The following MTMR3 variants were observed in gnomAD, a reference collection of about 807,000 sequenced individuals.
MTMR3 encodes myotubularin related protein 3.
A neutral mutation model predicts 132.4 loss-of-function variants in MTMR3; 32 were observed. The observed-to-expected ratio is 0.24, with a 90% CI of 0.18 to 0.32. The LOEUF (loss-of-function observed/expected upper bound fraction) is 0.32, where lower values mean the gene tolerates loss of function less well. MTMR3 is among the 10% of genes least tolerant of loss of function. The pLI is 1.00. For missense variants in MTMR3, 1,216 were observed against 1,489.6 expected, an observed-to-expected ratio of 0.82 and a Z score of 3.02; for synonymous variants, 556 against 550.3, an observed-to-expected ratio of 1.01 and a Z score of -0.14.
chr22:29,943,336 G>C (rs1489578004), intron 1 of MTMR3, among the ~76,000 whole-genome samples: 1 of 151,966 alleles, frequency 6.6e-6, no homozygotes, highest in Non-Finnish European at 1.5e-5. Context: ...GGGACTACAG[G>C]CACCTGCCAC....
At chr22:29,994,257 T>C (rs948276202) in intron 7 of MTMR3, 1 of 437,596 alleles carries the variant, frequency 2.3e-6, no homozygotes, top group African/African-American at 2.1e-5. Flanking sequence ...ACATTGATGT[T>C]AACCTGCCAC....
At chr22:29,912,077 A>T (rs960321421) in intron 1 of MTMR3, among the ~76,000 whole-genome samples, 1 of 152,030 alleles carries the variant, frequency 6.6e-6, no homozygotes, top group African/African-American at 2.4e-5. Flanking sequence ...TGAGGTATGT[A>T]TAGTAAGCAT....
At chr22:30,009,164 C>A (rs1217536724) in intron 12 of MTMR3, 35 bp downstream of exon 12, 1 of 1,342,844 alleles carries the variant, frequency 7.4e-7, no homozygotes, top group South Asian at 1.2e-5. Context: ...TTTTGCATTG[C>A]TCTTAAATAA....
intron 1 of MTMR3, among the ~76,000 whole-genome samples, chr22:29,928,171 C>CTTTTT (rs66896756): frequency 9.3e-6 from 1 of 107,702 alleles, no homozygotes; most frequent in Non-Finnish European, 1.8e-5. Flanking sequence ...TTTTTTTTTT[C>CTTTTT]TTTTTTTTTT....
intron 1 of MTMR3, among the ~76,000 whole-genome samples, chr22:29,951,790 TG>T (rs2066085597): frequency 6.6e-6 from 1 of 151,994 alleles, no homozygotes; most frequent in Non-Finnish European, 1.5e-5. Context: ...TACACATGAT[TG>T]ATCTTTTGGT....
intron 1 of MTMR3, among the ~76,000 whole-genome samples, chr22:29,933,367 T>TA (rs2065683975): frequency 6.6e-6 from 1 of 152,164 alleles, no homozygotes; most frequent in African/African-American, 2.4e-5. Flanking sequence ...CATGGGTTTT[T>TA]ATAGATTAAT....
intron 1 of MTMR3, among the ~76,000 whole-genome samples, chr22:29,903,828 A>G (rs982732306): frequency 2.6e-5 from 4 of 152,208 alleles, no homozygotes; most frequent in African/African-American, 9.7e-5. Context: ...GATGTTGAAT[A>G]TTTAGAAAAC....
chr22:29,986,517 T>TA, intron 5 of MTMR3: 1 of 928,436 alleles, frequency 1.1e-6, no homozygotes, highest in Non-Finnish European at 1.3e-6. Flanking sequence ...TTTTTTTCCT[T>TA]CTTAGATGCA....
chr22:29,948,674 T>C (rs1371789398), intron 1 of MTMR3, among the ~76,000 whole-genome samples: 1 of 152,110 alleles, frequency 6.6e-6, no homozygotes, highest in Non-Finnish European at 1.5e-5. Flanking sequence ...GGATGGAGTT[T>C]AGAAATTTGT....
At chr22:29,887,306 T>C (rs1004650917) in intron 1 of MTMR3, among the ~76,000 whole-genome samples, 4 of 152,184 alleles carry the variant, frequency 2.6e-5, no homozygotes, top group African/African-American at 9.7e-5. Flanking sequence ...CCCTCATTAG[T>C]GAAAGGAAGA....
chr22:29,895,730 G>A (rs1393346237), intron 1 of MTMR3, among the ~76,000 whole-genome samples: 1 of 152,026 alleles, frequency 6.6e-6, no homozygotes, highest in East Asian at 1.9e-4. Context: ...TGGTTTTACT[G>A]GGATTCAGAA....
chr22:29,950,918 C>T (rs940115717), intron 1 of MTMR3, among the ~76,000 whole-genome samples: 1 of 139,456 alleles, frequency 7.2e-6, no homozygotes, highest in Non-Finnish European at 1.7e-5. Context: ...GTTGGGAGGC[C>T]GAGGCAGGTG....
chr22:30,021,071 G>C, intron 17 of MTMR3, 187 bp downstream of exon 17: 1 of 638,274 alleles, frequency 1.6e-6, no homozygotes, highest in Non-Finnish European at 2.7e-6. Context: ...CCTGTTTTCT[G>C]CTTCGCTTAC....
chr22:29,886,359 C>G (rs1276529948), intron 1 of MTMR3, among the ~76,000 whole-genome samples: 1 of 152,104 alleles, frequency 6.6e-6, no homozygotes, highest in African/African-American at 2.4e-5. Flanking sequence ...GTTTTTGAGT[C>G]TTAATGAATC....
intron 1 of MTMR3, among the ~76,000 whole-genome samples, chr22:29,927,952 T>TG: frequency 6.8e-6 from 1 of 147,880 alleles, no homozygotes; most frequent in Non-Finnish European, 1.5e-5. Flanking sequence ...TTTTTTTTTT[T>TG]TTTTTTGAGA....
chr22:29,925,374 C>T (rs894478372), intron 1 of MTMR3, among the ~76,000 whole-genome samples: 1 of 152,148 alleles, frequency 6.6e-6, no homozygotes, highest in Admixed American at 6.6e-5. Flanking sequence ...GTGCTATGTT[C>T]TGTCTGGATA....
In MTMR3 at chr22:29,942,443, C is replaced by T. The variant is rs147609352; in HGVS notation, c.-137-14593C>T. Among the ~76,000 whole-genome samples the T allele has an allele frequency of 9.8e-3, 1,489 of 152,088 alleles. 8 individuals carry two copies. The highest frequency in any genetic ancestry group is 0.014 in the Non-Finnish European group (967 of 67,978). The stretch of plus-strand genomic sequence containing the variant: ...AAAATTGCTAATGAAGTTTCGGGCA[C>T]GCATTGTCATTGATAACATCTTATC... On this transcript the variant is annotated intron_variant, in intron 1 of 19. Coordinates refer to ENST00000401950, the MANE Select transcript of MTMR3 (RefSeq NM_021090.4).
In MTMR3 at chr22:29,898,016, C is replaced by G. The variant is rs546724729; in HGVS notation, c.-138+14657C>G. Among the ~76,000 whole-genome samples, 194 of 152,134 alleles carry G rather than the reference C, an allele frequency of 1.3e-3. 1 individual carries two copies. Among genetic ancestry groups the G allele is most frequent in the African/African-American group, 4.6e-3 (190 of 41,484 alleles). ...TTTGAAACACAATCTTGCTCTGTCA[C>G]CCAGGCTGTAGTACAGAGGCACAAT... On this transcript the variant is annotated intron_variant, in intron 1 of 19. Transcript: ENST00000401950.
intron 2 of MTMR3, among the ~76,000 whole-genome samples, chr22:29,964,980 T>G (rs1305280601): frequency 6.6e-6 from 1 of 152,114 alleles, no homozygotes; most frequent in Non-Finnish European, 1.5e-5. Flanking sequence ...ATTATCAAGG[T>G]CTTTCCTGTC....
Sources: allele counts gnomAD v4.1 joint callset (sites outside exome capture counted in the v4.1 genomes callset), GRCh38; gene constraint gnomAD v4.1.1; transcripts MANE v1.5; gene names NCBI Gene and HGNC (gene_info 2026-07-23, HGNC 2026-07-21).